Variants in EXOC6 observed in about 807,000 individuals in gnomAD.
EXOC6 encodes the protein exocyst complex component 6, also known as SEC15-like 1.
Under a neutral mutation model 112.5 loss-of-function variants are expected in EXOC6, and 60 were observed. The observed-to-expected ratio is 0.53, with a 90% CI of 0.43 to 0.66. The LOEUF is 0.66. Among genes scored for constraint, EXOC6 ranks in the 30% least tolerant of loss-of-function variants. EXOC6 has a pLI of 0.00. For missense variants in EXOC6, 855 were observed against 957.1 expected (o/e 0.89, Z 1.41); for synonymous variants, 295 against 308.0 (o/e 0.96, Z 0.44).
At chr10:92,934,279 T>TA in intron 10 of EXOC6, 31 bp from the exon 11 acceptor site, 1 of 1,558,788 alleles carries the variant, frequency 6.4e-7, no homozygotes, top group Admixed American at 2.2e-5. Flanking sequence ...TTTTTTTTTT[T>TA]AACACATGCT....
chr10:92,847,918 T>C (rs1847117261), upstream of EXOC6, among the ~76,000 whole-genome samples: 1 of 149,520 alleles, frequency 6.7e-6, no homozygotes, highest in Non-Finnish European at 1.5e-5. Context: ...CGCTTATAAT[T>C]TATTTCCAAG....
intron 17 of EXOC6, among the ~76,000 whole-genome samples, chr10:92,961,542 T>TA (rs1266377214): frequency 3.9e-5 from 6 of 152,094 alleles, no homozygotes; most frequent in Non-Finnish European, 7.4e-5. Flanking sequence ...GGTCCCTTCG[T>TA]AAATAGAACA....
At chr10:92,857,529 T>A (rs1453462636) in intron 1 of EXOC6, among the ~76,000 whole-genome samples, 1 of 152,186 alleles carries the variant, frequency 6.6e-6, no homozygotes, top group Non-Finnish European at 1.5e-5. Flanking sequence ...TCTTTTCATT[T>A]GTTGCTGGGT....
chr10:92,864,009 C>T (rs1304202893), intron 1 of EXOC6, among the ~76,000 whole-genome samples: 1 of 148,942 alleles, frequency 6.7e-6, no homozygotes, highest in Non-Finnish European at 1.5e-5. Flanking sequence ...ATTTAGTTAA[C>T]ATGAAAATGA....
chr10:92,991,054 T>G (rs375307468), intron 18 of EXOC6, among the ~76,000 whole-genome samples: 4 of 152,184 alleles, frequency 2.6e-5, no homozygotes, highest in East Asian at 1.9e-4. Context: ...TTGAGTGACA[T>G]TTGTCAACTT....
At chr10:93,057,090 T>A (rs1369900461) in intron 21 of EXOC6, 54 bp downstream of exon 21, 2 of 914,310 alleles carry the variant, frequency 2.2e-6, no homozygotes, top group Non-Finnish European at 3.3e-6. Flanking sequence ...TTTGATTCAG[T>A]GATAAACTGA....
chr10:92,986,773 T>C (rs1843027379), intron 18 of EXOC6, among the ~76,000 whole-genome samples: 1 of 151,352 alleles, frequency 6.6e-6, no homozygotes. Context: ...AATAGTACTT[T>C]AAGGATAGTT....
intron 1 of EXOC6, among the ~76,000 whole-genome samples, chr10:92,882,214 G>A (rs1277657912): frequency 2.0e-5 from 3 of 152,056 alleles, no homozygotes; most frequent in Non-Finnish European, 4.4e-5. Context: ...CCAAGATTGA[G>A]TGGCTACTTT....
chr10:92,891,411 T>A (rs1192422319), intron 1 of EXOC6, among the ~76,000 whole-genome samples: 1 of 152,174 alleles, frequency 6.6e-6, no homozygotes, highest in Non-Finnish European at 1.5e-5. Context: ...CTACATTTTT[T>A]AAAAAATTAA....
At chr10:92,827,474 C>CAAAAAAAAAAAAAAAAAAAAAAA (rs60863083) in intron 1 of EXOC6, among the ~76,000 whole-genome samples, 1 of 33,196 alleles carries the variant, frequency 3.0e-5, no homozygotes, top group African/African-American at 1.3e-4. Flanking sequence ...GCCCTGTTGC[C>CAAAAAAAAAAAAAAAAAAAAAAA]AAAAAAAAAA....
At chr10:93,032,819 G>C (rs552316360) in intron 20 of EXOC6, among the ~76,000 whole-genome samples, 1 of 152,286 alleles carries the variant, frequency 6.6e-6, no homozygotes, top group South Asian at 2.1e-4. Context: ...TAATGTGATA[G>C]TGACTGGAGG....
intron 6 of EXOC6, among the ~76,000 whole-genome samples, chr10:92,910,886 G>A (rs555576875): frequency 5.4e-5 from 4 of 73,942 alleles, no homozygotes; most frequent in Non-Finnish European, 8.0e-5. Flanking sequence ...CCAAGATCGC[G>A]CCACTGCACT....
chr10:92,992,037 A>G (rs776544993), intron 18 of EXOC6, among the ~76,000 whole-genome samples: 2 of 152,090 alleles, frequency 1.3e-5, no homozygotes, highest in Admixed American at 6.6e-5. Context: ...TTTAGAGCAT[A>G]ATTTCAAAAA....
chr10:92,952,147 A>G, intron 14 of EXOC6, 126 bp from the exon 15 acceptor site: 1 of 610,726 alleles, frequency 1.6e-6, no homozygotes, highest in Non-Finnish European at 2.9e-6. Context: ...ATGTAGAAAT[A>G]TAACAGAGTT....
chr10:93,057,020 CT>C lies in EXOC6; in HGVS notation c.2268del (p.Thr757LeufsTer6). 1 of 1,568,180 alleles carries C rather than the reference CT, an allele frequency of 6.4e-7. No homozygotes were observed. The highest frequency in any genetic ancestry group is 1.2e-5 in the South Asian group (1 of 80,898). On this transcript the variant is annotated frameshift_variant, in exon 21 of 22. Transcript: ENST00000260762. LOFTEE classifies it high-confidence loss of function. ...KYLRVNPNTA[L>X]TLLEKMKDTS... is the part of the protein sequence containing the mutation. ...CCTTCGGGTGAATCCAAACACAGCCCTTACTCTTTTGGAGAAGTGAGTATAT... is the reference window on the plus strand; with the variant it reads ...CCTTCGGGTGAATCCAAACACAGCCCTACTCTTTTGGAGAAGTGAGTATAT...
intron 1 of EXOC6, among the ~76,000 whole-genome samples, chr10:92,864,169 T>A (rs1468482506): frequency 6.6e-6 from 1 of 152,200 alleles, no homozygotes; most frequent in Non-Finnish European, 1.5e-5. Flanking sequence ...ACAGACTCAC[T>A]GTTATATAGG....
intron 5 of EXOC6, among the ~76,000 whole-genome samples, chr10:92,907,510 A>G (rs924810789): frequency 6.6e-6 from 1 of 152,210 alleles, no homozygotes; most frequent in Non-Finnish European, 1.5e-5. Context: ...CAGTTGTGCT[A>G]TGAAGTAAGT....
chr10:93,053,536 C>T (rs2134382585), intron 20 of EXOC6, among the ~76,000 whole-genome samples: 1 of 152,314 alleles, frequency 6.6e-6, no homozygotes, highest in South Asian at 2.1e-4. Context: ...TCCTCTTTAT[C>T]AATACCCCAG....
chr10:93,035,177 C>G (rs1845460214), intron 20 of EXOC6, among the ~76,000 whole-genome samples: 1 of 152,218 alleles, frequency 6.6e-6, no homozygotes, highest in Admixed American at 6.5e-5. Context: ...TAGTCTGAAC[C>G]TAAATGACTT....
Sources: allele counts gnomAD v4.1 joint callset (sites outside exome capture counted in the v4.1 genomes callset), GRCh38; gene constraint gnomAD v4.1.1; transcripts MANE v1.5; gene names NCBI Gene and HGNC (gene_info 2026-07-23, HGNC 2026-07-21).